Variants in TAOK3 observed in about 807,000 individuals in gnomAD.
TAOK3 encodes TAO kinase 3.
Under a neutral mutation model 120.4 loss-of-function variants are expected in TAOK3, and 40 were observed. The observed-to-expected ratio is 0.33, with a 90% confidence interval of 0.26 to 0.43. The LOEUF (loss-of-function observed/expected upper bound fraction) is 0.43. Among genes scored for constraint, TAOK3 ranks in the 20% least tolerant of loss-of-function variants. TAOK3 has a pLI of 1.00. For synonymous variants in TAOK3, 355 were observed against 387.5 expected (o/e 0.92, Z 0.99); for missense variants, 821 against 1,112.1 (o/e 0.74, Z 3.72).
chr12:118,177,393 A>G, intron 15 of TAOK3, 64 bp from the exon 16 acceptor site: 1 of 1,477,246 alleles, frequency 6.8e-7, no homozygotes. Flanking sequence ...AGTGATCTAT[A>G]TTCTCCAGTG....
chr12:118,182,430 T>A (rs1450655069), intron 14 of TAOK3, among the ~76,000 whole-genome samples: 3 of 151,514 alleles, frequency 2.0e-5, no homozygotes, highest in Non-Finnish European at 2.9e-5. Context: ...CATTGCAGGA[T>A]GTTTAGCAGC....
intron 15 of TAOK3, among the ~76,000 whole-genome samples, chr12:118,179,297 T>TC (rs2036544734): frequency 6.6e-6 from 1 of 152,190 alleles, no homozygotes; most frequent in Non-Finnish European, 1.5e-5. Context: ...GGAGCACATG[T>TC]CCACCACATT....
At chr12:118,192,250 T>C (rs936265528) in intron 13 of TAOK3, among the ~76,000 whole-genome samples, 2 of 152,198 alleles carry the variant, frequency 1.3e-5, no homozygotes, top group Admixed American at 6.5e-5. Flanking sequence ...TGAAATGACA[T>C]TGATTTTAGT....
chr12:118,154,484 A>G (rs572236354), intron 19 of TAOK3, among the ~76,000 whole-genome samples: 10 of 152,192 alleles, frequency 6.6e-5, no homozygotes, highest in Non-Finnish European at 1.5e-4. Context: ...TCAGTTGCCC[A>G]GGCTGAGTGC....
chr12:118,356,295 CTTTTTTT>C (rs949021724), intron 1 of TAOK3, among the ~76,000 whole-genome samples: 6 of 109,338 alleles, frequency 5.5e-5, no homozygotes, highest in Non-Finnish European at 9.1e-5. Context: ...TGGTCACTTT[CTTTTTTT>C]TTTTTTTTTT....
At chr12:118,281,185 A>C (rs1166040032) in intron 1 of TAOK3, among the ~76,000 whole-genome samples, 2 of 152,000 alleles carry the variant, frequency 1.3e-5, no homozygotes, top group Non-Finnish European at 2.9e-5. Context: ...GATACCTTTT[A>C]TTTCTTTCTT....
At chr12:118,233,173 G>A (rs1412193314) in intron 9 of TAOK3, among the ~76,000 whole-genome samples, 11 of 143,792 alleles carry the variant, frequency 7.6e-5, no homozygotes, top group African/African-American at 2.9e-4. Flanking sequence ...AACACCGCAT[G>A]TTCTCACTCA....
chr12:118,247,093 G>A, intron 3 of TAOK3: 1 of 512,970 alleles, frequency 1.9e-6, no homozygotes, highest in African/African-American at 1.9e-5. Flanking sequence ...TTTGATGATG[G>A]GACAGTTCTA....
At chr12:118,250,217 T>C (rs1166953732) in intron 3 of TAOK3, among the ~76,000 whole-genome samples, 3 of 152,162 alleles carry the variant, frequency 2.0e-5, no homozygotes, top group Non-Finnish European at 4.4e-5. Context: ...CACCTCGGCC[T>C]CCCAAAGTGC....
chr12:118,201,489 A>G (rs2038022363), intron 11 of TAOK3, 26 bp from the exon 12 acceptor site: 1 of 1,591,496 alleles, frequency 6.3e-7, no homozygotes, highest in Non-Finnish European at 8.6e-7. Context: ...GGAAAAAATA[A>G]ACTGATAATG....
At chr12:118,300,893 A>C (rs1187432522) in intron 1 of TAOK3, among the ~76,000 whole-genome samples, 1 of 152,028 alleles carries the variant, frequency 6.6e-6, no homozygotes, top group Non-Finnish European at 1.5e-5. Flanking sequence ...CTCCTGCCTC[A>C]GACTCTCAAG....
intron 13 of TAOK3, among the ~76,000 whole-genome samples, chr12:118,196,213 T>C (rs895956644): frequency 2.0e-5 from 3 of 152,092 alleles, no homozygotes; most frequent in Admixed American, 2.0e-4. Context: ...GTGTCCCACT[T>C]TGCATTTTGG....
intron 1 of TAOK3, among the ~76,000 whole-genome samples, chr12:118,326,927 A>T (rs2043958968): frequency 6.6e-6 from 1 of 152,204 alleles, no homozygotes. Flanking sequence ...TATTCTTCAG[A>T]AATTTTTCTA....
chr12:118,191,785 T>C (rs1276267087), intron 13 of TAOK3, among the ~76,000 whole-genome samples: 4 of 152,208 alleles, frequency 2.6e-5, no homozygotes, highest in Non-Finnish European at 4.4e-5. Flanking sequence ...CTAATAAATT[T>C]ATGTACAAAA....
rs111660006 is a variant in TAOK3 at position 118,301,710 on chromosome 12, C to T, written c.-193-34951G>A. On this transcript the variant is annotated intron_variant, in intron 1 of 20. Transcript: ENST00000392533. ...TACAAAAATTAGCCAGGCATGGTAGCGCTTGCATGTAGTCCCAGCTACTCA... is the reference window on the plus strand; with the variant it reads ...TACAAAAATTAGCCAGGCATGGTAGTGCTTGCATGTAGTCCCAGCTACTCA... 8.3e-3 allele frequency among the ~76,000 whole-genome samples: 1,269 copies of T among 151,988 alleles called. 19 individuals are homozygous for T. The highest frequency in any genetic ancestry group is 0.029 in the African/African-American group (1,221 of 41,476).
At chr12:118,343,490 T>G (rs1399456349) in intron 1 of TAOK3, among the ~76,000 whole-genome samples, 2 of 151,046 alleles carry the variant, frequency 1.3e-5, no homozygotes, top group African/African-American at 2.4e-5. Flanking sequence ...ACCCTTTACA[T>G]TAAACCTAGG....
intron 17 of TAOK3, among the ~76,000 whole-genome samples, chr12:118,165,520 CTG>C (rs1470982527): frequency 7.2e-5 from 11 of 152,210 alleles, no homozygotes; most frequent in Admixed American, 6.5e-4. Flanking sequence ...TCCGAATTAC[CTG>C]TGTTATAAGG....
chr12:118,280,031 C>T (rs1388590227), intron 1 of TAOK3, among the ~76,000 whole-genome samples: 1 of 150,686 alleles, frequency 6.6e-6, no homozygotes, highest in Non-Finnish European at 1.5e-5. Flanking sequence ...TCCCAAAGTG[C>T]TGGGATTACA....
At chr12:118,358,902 A>T (rs908428767) in intron 1 of TAOK3, 5 of 152,200 alleles carry the variant, frequency 3.3e-5, no homozygotes, top group African/African-American at 1.2e-4. Context: ...GTAAAATAAA[A>T]TACCAATGAC....
Sources: allele counts gnomAD v4.1 joint callset (sites outside exome capture counted in the v4.1 genomes callset), GRCh38; gene constraint gnomAD v4.1.1; transcripts MANE v1.5; gene names NCBI Gene and HGNC (gene_info 2026-07-23, HGNC 2026-07-21).